Variants in NPC2 observed in about 807,000 individuals in gnomAD.
The protein encoded by NPC2 is Niemann-Pick disease type C2 protein.
A neutral mutation model predicts 17.0 loss-of-function variants in NPC2; 14 were observed. The observed-to-expected ratio is 0.82, with a 90% CI of 0.54 to 1.29. NPC2 has a LOEUF of 1.29. Among genes scored for constraint, NPC2 ranks in the 50% most tolerant of loss-of-function variants. The pLI, the probability that NPC2 is intolerant of heterozygous loss-of-function variation, is 0.00. For missense variants in NPC2, 167 were observed against 183.4 expected, an observed-to-expected ratio of 0.91 and a Z score of 0.52; for synonymous variants, 75 against 69.3, an observed-to-expected ratio of 1.08 and a Z score of -0.41.
rs5809668 is a variant in NPC2 at position 74,489,537 on chromosome 14, A to AGTGTGT, written c.83-3107_83-3102dup. ...TTTGGGAACCTGCGTTCTTAAAATA[A>AGTGTGT]GTGTGTGTGTGTGTGTCTGTGTGTG... On this transcript the variant is annotated intron_variant, in intron 1 of 4. Coordinates refer to ENST00000555619, the MANE Select transcript of NPC2 (RefSeq NM_006432.5). Among the ~76,000 whole-genome samples the AGTGTGT allele has an allele frequency of 4.7e-3, 707 of 152,014 alleles. 1 individual carries two copies. The highest frequency in any genetic ancestry group is 7.0e-3 in the Non-Finnish European group (476 of 67,926).
intron 2 of NPC2, 143 bp downstream of exon 2, chr14:74,486,186 C>T: frequency 7.3e-6 from 6 of 817,254 alleles, no homozygotes; most frequent in South Asian, 7.3e-5. Flanking sequence ...GCACAGTGAA[C>T]CCTAGCTTTG....
chr14:74,486,055 A>C (rs1344282275), intron 2 of NPC2, among the ~76,000 whole-genome samples: 2 of 152,200 alleles, frequency 1.3e-5, no homozygotes, highest in Non-Finnish European at 2.9e-5. Context: ...CCTACTATGC[A>C]ATATGGGTCA....
intron 2 of NPC2, among the ~76,000 whole-genome samples, chr14:74,485,294 C>CAAAAAAAAAAAAAAAAAAA (rs61395005): frequency 2.2e-4 from 16 of 71,330 alleles, no homozygotes; most frequent in African/African-American, 8.5e-4. Flanking sequence ...GACTCTGTCA[C>CAAAAAAAAAAAAAAAAAAA]AAAAAAAAAA....
rs927248655 is a variant in NPC2 at position 74,480,782 on chromosome 14, G to A, written c.364-3C>T. 1.2e-6 allele frequency: 2 copies of A among 1,611,646 alleles called. No individual in the cohort carries two copies. The highest frequency in any genetic ancestry group is 2.7e-5 in the African/African-American group (2 of 74,830). ...TGCCACTCCACCACCAGTTTTATCT[G>A]GAGAAAGAGAAAAATAATTGAGAAA... On this transcript the variant is annotated splice_polypyrimidine_tract_variant and splice_region_variant and intron_variant, in intron 3 of 4. Transcript: ENST00000555619.
At position 74,490,290 on chromosome 14, in the gene NPC2, T is replaced by C. The variant is rs144718361; in HGVS notation, c.82+2903A>G. On this transcript the variant is annotated intron_variant, in intron 1 of 4. Transcript: ENST00000555619. ...GGTGGAACAGTCTCTTTAACTATCA[T>C]CACACTGACCAACACTGCTCCAGCT... 7.6e-3 allele frequency among the ~76,000 whole-genome samples: 1,165 copies of C among 152,302 alleles called. 7 individuals are homozygous for C. The highest frequency in any genetic ancestry group is 0.014 in the Non-Finnish European group (953 of 68,020).
In NPC2 at chr14:74,480,288, C is replaced by T; in HGVS notation, c.442G>A (p.Val148Ile). Residue 148 changes from valine to isoleucine, a missense_variant and splice_region_variant, in exon 5 of 5, where the codon GTT (valine) becomes ATT (isoleucine). Coordinates refer to ENST00000555619, the MANE Select transcript of NPC2 (RefSeq NM_006432.5). ...CAATGAGGCACTTAGAGATGAGAAA[C>T]CTGTGGATGTAATGTCCCAGCTCAG... ...LFCWEIPVQI[V>I]SHL 6.2e-7 allele frequency: 1 copy of T among 1,613,232 alleles called. No homozygotes were observed.
At chr14:74,492,208 T>C (rs1345722534) in intron 1 of NPC2, among the ~76,000 whole-genome samples, 1 of 152,180 alleles carries the variant, frequency 6.6e-6, no homozygotes, top group Non-Finnish European at 1.5e-5. Context: ...GGGAGACTGA[T>C]CTGAGTAACA....
At position 74,485,294 on chromosome 14, in the gene NPC2, C is replaced by CAAAAAAAAAAAAAA. The variant is rs61395005; in HGVS notation, c.191-721_191-708dup. On this transcript the variant is annotated intron_variant, in intron 2 of 4. Transcript: ENST00000555619. Reference sequence around the variant, plus strand: ...TGGGTGACAGAGCGAGACTCTGTCACAAAAAAAAAAAAAAAAAAAAAAAAA... The same window carrying CAAAAAAAAAAAAAA: ...TGGGTGACAGAGCGAGACTCTGTCACAAAAAAAAAAAAAAAAAAAAAAAAAAAAAAAAAAAAAAA... Among the ~76,000 whole-genome samples, 70 of 71,334 alleles carry CAAAAAAAAAAAAAA rather than the reference C, an allele frequency of 9.8e-4. 6 individuals are homozygous for CAAAAAAAAAAAAAA. Among genetic ancestry groups the CAAAAAAAAAAAAAA allele is most frequent in the African/African-American group, 4.9e-3 (63 of 12,908 alleles). 46.8% of individuals were successfully genotyped at this position (71,334 alleles called of 152,430 possible). A position where few individuals can be genotyped will look rare whatever the true frequency, so the allele number is the denominator to read the frequency against.
In NPC2 at chr14:74,484,505, A is replaced by G. The variant is rs151071820; in HGVS notation, c.273T>C (p.Asp91=). ...VPVPFPIPEP[D]GCKSGINCPI... Reference sequence around the variant, plus strand: ...GGCAGTTAATTCCACTCTTACAACCATCAGGCTCAGGAATGGGAAAGGGAA... The same window carrying G: ...GGCAGTTAATTCCACTCTTACAACCGTCAGGCTCAGGAATGGGAAAGGGAA... Residue 91 remains aspartate (D), a synonymous_variant, in exon 3 of 5, where the codon GAT becomes GAC. Coordinates refer to ENST00000555619, the MANE Select transcript of NPC2 (RefSeq NM_006432.5). The G allele has an allele frequency of 2.3e-4, 371 of 1,614,084 alleles. 1 individual carries two copies. In the East Asian group the frequency reaches 2.5e-3, roughly 11 times the overall value.
At chr14:74,489,424 G>C (rs1409094641) in intron 1 of NPC2, among the ~76,000 whole-genome samples, 2 of 152,136 alleles carry the variant, frequency 1.3e-5, no homozygotes, top group African/African-American at 4.8e-5. Context: ...AAAGAAATTG[G>C]ATTCATCTGA....
intron 3 of NPC2, chr14:74,483,070 A>G: frequency 7.6e-7 from 1 of 1,313,794 alleles, no homozygotes; most frequent in Non-Finnish European, 1.1e-6. Context: ...ATATGACCCA[A>G]CGATAGAAGA....
rs541646958 is a variant in NPC2, at chr14:74,484,718, T to C, written c.191-131A>G. ...TTCTCTTGATAGTGGTGCTTGGTAC[T>C]AGCACAGTGCAAGCATTCACTCCAA... On this transcript the variant is annotated intron_variant, in intron 2 of 4. Coordinates refer to ENST00000555619, the MANE Select transcript of NPC2 (RefSeq NM_006432.5). The C allele has an allele frequency of 5.7e-5, 32 of 560,000 alleles. No individual in the cohort carries two copies. In the East Asian group the frequency reaches 1.3e-3, roughly 23 times the overall value. The allele number at this position is 560,000 out of a possible 1,614,324, so 34.7% of individuals were successfully genotyped here.
chr14:74,485,426 T>C (rs2086702488), intron 2 of NPC2, among the ~76,000 whole-genome samples: 1 of 148,304 alleles, frequency 6.7e-6, no homozygotes, highest in Non-Finnish European at 1.5e-5. Flanking sequence ...ATGAGGGCAA[T>C]CAGACTTATG....
At chr14:74,482,506 G>A (rs2086666263) in intron 3 of NPC2, among the ~76,000 whole-genome samples, 1 of 152,140 alleles carries the variant, frequency 6.6e-6, no homozygotes, top group Non-Finnish European at 1.5e-5. Context: ...AAAGAAGGCT[G>A]GAAAAAGCTA....
intron 1 of NPC2, among the ~76,000 whole-genome samples, chr14:74,486,993 C>G (rs1292787116): frequency 1.4e-5 from 2 of 145,350 alleles, no homozygotes; most frequent in African/African-American, 5.3e-5. Context: ...TGCTCTGTCA[C>G]CAGGTTGGAG....
At position 74,480,747 on chromosome 14, in the gene NPC2, A is replaced by T; in HGVS notation, c.396T>A (p.Asp132Glu). Residue 132 changes from aspartate to glutamate, a missense_variant, in exon 4 of 5, where the codon GAT becomes GAA. By Grantham distance (45) the Asp-to-Glu change is conservative. Transcript: ENST00000555619. ...IKLVVEWQLQ[D>E]DKNQSLFCWE... ...AGCAGAAGAGACTTTGGTTTTTGTC[A>T]TCCTGAAGTTGCCACTCCACCACCA... is the stretch of plus-strand genomic sequence containing the variant. 6.2e-7 allele frequency: 1 copy of T among 1,614,158 alleles called. No homozygotes were observed. The highest frequency in any genetic ancestry group is 8.5e-7 in the Non-Finnish European group (1 of 1,180,006).
intron 1 of NPC2, among the ~76,000 whole-genome samples, chr14:74,487,341 C>CA (rs2086724588): frequency 6.7e-6 from 1 of 149,402 alleles, no homozygotes; most frequent in Admixed American, 6.8e-5. Context: ...AATCTCAGCT[C>CA]ACTGCAGCCT....
rs1357073507 is a variant in NPC2 at position 74,487,268 on chromosome 14, TTTTTTG to T, written c.83-838_83-833del. Among the ~76,000 whole-genome samples the T allele has an allele frequency of 2.5e-3, 362 of 146,116 alleles. 5 individuals carry two copies. The highest frequency in any genetic ancestry group is 0.011 in the Middle Eastern group (3 of 278). On this transcript the variant is annotated intron_variant, in intron 1 of 4. Transcript: ENST00000555619. ...CCTCCCTGTTTTGTTTTTGTGGTTT[TTTTTTG>T]TTTTTTTTTTTTGAGACAGGGTCTC...
At position 74,484,531 on chromosome 14, in the gene NPC2, C is replaced by A. The variant is rs1399142643; in HGVS notation, c.247G>T (p.Val83Phe). ...TCAGGCTCAGGAATGGGAAAGGGAACTGGGACGCCCATCAGGATGCCATGC... is the reference window on the plus strand; with the variant it reads ...TCAGGCTCAGGAATGGGAAAGGGAAATGGGACGCCCATCAGGATGCCATGC... Reference protein sequence around the residue: ...VVHGILMGVPVPFPIPEPDGC... With the variant: ...VVHGILMGVPFPFPIPEPDGC... The change falls in exon 3 of 5, where the codon GTT becomes TTT. Residue 83 changes from valine to phenylalanine, a missense_variant. Coordinates refer to ENST00000555619, the MANE Select transcript of NPC2 (RefSeq NM_006432.5). 2 of 1,614,130 alleles carry A rather than the reference C, an allele frequency of 1.2e-6. No individual in the cohort carries two copies. The highest frequency in any genetic ancestry group is 4.5e-5 in the East Asian group (2 of 44,886).
Sources: gnomAD v4.1 joint callset for allele counts (sites outside exome capture counted in the v4.1 genomes callset) on GRCh38, gnomAD v4.1.1 for gene constraint, MANE v1.5 for transcripts, NCBI Gene and HGNC (gene_info 2026-07-23, HGNC 2026-07-21) for gene names.